The following GALNT13 variants were observed in gnomAD, a reference collection of about 807,000 sequenced individuals.
GALNT13 encodes the protein polypeptide N-acetylgalactosaminyltransferase 13, also known as UDP-GalNAc:polypeptide N-acetylgalactosaminyltransferase 13.
A neutral mutation model predicts 64.2 loss-of-function variants in GALNT13; 28 were observed. The ratio of observed to expected loss-of-function variants is 0.44; its 90% confidence interval spans 0.32 to 0.60. The LOEUF is 0.60. Ranked by LOEUF, GALNT13 falls within the 20% of genes least tolerant of loss-of-function variation. GALNT13 has a pLI of 0.05. For missense variants in GALNT13, 577 were observed against 669.8 expected (o/e 0.86, Z 1.53); for synonymous variants, 214 against 224.6 (o/e 0.95, Z 0.42).
At chr2:154,395,358 C>T (rs770602311) in intron 9 of GALNT13, among the ~76,000 whole-genome samples, 3 of 151,994 alleles carry the variant, frequency 2.0e-5, no homozygotes, top group Non-Finnish European at 2.9e-5. Context: ...TAAAATTAAT[C>T]ATTTTTCATA....
At chr2:153,528,856 A>G in the GALNT13 span, among the ~76,000 whole-genome samples, 5 of 152,026 alleles carry the variant, frequency 3.3e-5, no homozygotes, top group African/African-American at 1.2e-4. Context: ...AAGGAAATTG[A>G]AAATTTTCTT....
chr2:154,388,852 C>G (rs1469989766), intron 9 of GALNT13, among the ~76,000 whole-genome samples: 2 of 152,076 alleles, frequency 1.3e-5, no homozygotes, highest in Non-Finnish European at 2.9e-5. Context: ...ATATACTGGT[C>G]TACTCCTGTA....
chr2:153,127,152 AT>A, the GALNT13 span, among the ~76,000 whole-genome samples: 28,028 of 151,306 alleles, frequency 0.19, 2,727 homozygotes, highest in Non-Finnish European at 0.21. Context: ...TATTGAGTGC[AT>A]TTTTTTTTGT....
At chr2:153,199,807 T>TC in the GALNT13 span, among the ~76,000 whole-genome samples, 1 of 152,130 alleles carries the variant, frequency 6.6e-6, no homozygotes, top group Non-Finnish European at 1.5e-5. Flanking sequence ...TATAGGCATA[T>TC]CAAAAAAGCA....
the GALNT13 span, among the ~76,000 whole-genome samples, chr2:153,499,175 T>C: frequency 6.6e-6 from 1 of 152,128 alleles, no homozygotes; most frequent in Non-Finnish European, 1.5e-5. Flanking sequence ...TATCTTGCTT[T>C]CAGGAAGAAT....
chr2:153,864,437 A>AGTTC, the GALNT13 span, among the ~76,000 whole-genome samples: 1 of 152,216 alleles, frequency 6.6e-6, no homozygotes, highest in East Asian at 1.9e-4. Flanking sequence ...TGTGAATGGG[A>AGTTC]GTTCACTCAT....
At chr2:153,842,387 A>C in the GALNT13 span, among the ~76,000 whole-genome samples, 1 of 152,148 alleles carries the variant, frequency 6.6e-6, no homozygotes, top group Non-Finnish European at 1.5e-5. Context: ...ATTGGTGATT[A>C]GGGAGTATCA....
the GALNT13 span, among the ~76,000 whole-genome samples, chr2:153,592,065 T>A: frequency 1.4e-4 from 12 of 88,158 alleles, no homozygotes; most frequent in Non-Finnish European, 2.1e-4. Context: ...GTTAACAGAT[T>A]ATATATATAT....
At chr2:154,338,937 A>G (rs927037088) in intron 9 of GALNT13, among the ~76,000 whole-genome samples, 5 of 152,124 alleles carry the variant, frequency 3.3e-5, no homozygotes, top group Admixed American at 3.3e-4. Flanking sequence ...GAAAATAGAA[A>G]AACATGGTTA....
At position 154,314,463 on chromosome 2, in the gene GALNT13, A is replaced by C. The variant is rs182033867; in HGVS notation, c.1156+12874A>C. Among the ~76,000 whole-genome samples the C allele has an allele frequency of 3.3e-5, 5 of 152,256 alleles. No homozygotes were observed. The East Asian group carries it at 9.7e-4, about 29-fold the overall frequency. On this transcript the variant is annotated intron_variant, in intron 9 of 12. Transcript: ENST00000392825. Reference sequence around the variant, plus strand: ...ATTGTCTTAGTCTGATTGTGTTGCTATAAAGGAATACCTGATGATGAGTAA... The same window carrying C: ...ATTGTCTTAGTCTGATTGTGTTGCTCTAAAGGAATACCTGATGATGAGTAA...
At chr2:153,533,323 C>A in the GALNT13 span, among the ~76,000 whole-genome samples, 2 of 151,980 alleles carry the variant, frequency 1.3e-5, no homozygotes, top group African/African-American at 4.8e-5. Context: ...TTGATCTCGG[C>A]TCACTGTAAC....
At chr2:153,583,595 T>G in the GALNT13 span, among the ~76,000 whole-genome samples, 26 of 152,154 alleles carry the variant, frequency 1.7e-4, no homozygotes, top group African/African-American at 3.4e-4. Flanking sequence ...TGCGGAATCA[T>G]GCAATCTGGG....
the GALNT13 span, among the ~76,000 whole-genome samples, chr2:153,583,170 AGCATTAC>A: frequency 6.6e-6 from 1 of 152,198 alleles, no homozygotes; most frequent in African/African-American, 2.4e-5. Context: ...TTGAGGAGGA[AGCATTAC>A]TTAAGCTGAG....
chr2:153,073,865 C>A, the GALNT13 span, among the ~76,000 whole-genome samples: 2 of 152,026 alleles, frequency 1.3e-5, no homozygotes, highest in Non-Finnish European at 2.9e-5. Flanking sequence ...CATCTTCCCC[C>A]CTCCCTTTAT....
chr2:153,279,592 G>T, the GALNT13 span, among the ~76,000 whole-genome samples: 1 of 45,448 alleles, frequency 2.2e-5, no homozygotes, highest in African/African-American at 1.4e-4. Context: ...TTTATTGAAA[G>T]ATTTTTTTCT....
intron 3 of GALNT13, among the ~76,000 whole-genome samples, chr2:154,013,344 C>A (rs1287828918): frequency 6.6e-6 from 1 of 151,952 alleles, no homozygotes; most frequent in South Asian, 2.1e-4. Flanking sequence ...CTTCTGGCCC[C>A]TTGAGGTTAT....
At chr2:153,539,708 T>C in the GALNT13 span, among the ~76,000 whole-genome samples, 7 of 151,280 alleles carry the variant, frequency 4.6e-5, no homozygotes, top group Non-Finnish European at 1.0e-4. Flanking sequence ...GTTGTAGATA[T>C]GCGGCGTTAT....
At chr2:153,125,963 G>A in the GALNT13 span, among the ~76,000 whole-genome samples, 12 of 152,024 alleles carry the variant, frequency 7.9e-5, no homozygotes, top group African/African-American at 2.9e-4. Context: ...AATTAAAAGC[G>A]TCCGGTGATT....
the GALNT13 span, among the ~76,000 whole-genome samples, chr2:153,537,409 G>A: frequency 1.3e-5 from 2 of 152,300 alleles, no homozygotes; most frequent in South Asian, 2.1e-4. Context: ...GCTCCAAGAT[G>A]TTTATAAGTA....
Sources: gnomAD v4.1 joint callset for allele counts (sites outside exome capture counted in the v4.1 genomes callset) on GRCh38, gnomAD v4.1.1 for gene constraint, MANE v1.5 for transcripts, NCBI Gene and HGNC (gene_info 2026-07-23, HGNC 2026-07-21) for gene names.